Variants in PLCXD3 observed in about 807,000 individuals in gnomAD.
PLCXD3 encodes the protein phosphatidylinositol specific phospholipase C X domain containing 3, also known as PI-PLC X domain-containing protein 3.
PLCXD3 carries 19 observed loss-of-function variants against 25.5 expected under a neutral mutation model. That is an observed-to-expected ratio of 0.75 (90% confidence interval 0.52 to 1.09). PLCXD3 has a LOEUF of 1.09. Ranked by LOEUF, PLCXD3 falls within the 50% of genes least tolerant of loss-of-function variation. The pLI, the probability that PLCXD3 is intolerant of heterozygous loss-of-function variation, is 0.00. For missense variants in PLCXD3, 411 were observed against 388.1 expected, an observed-to-expected ratio of 1.06 and a Z score of -0.50; for synonymous variants, 174 against 137.6, an observed-to-expected ratio of 1.26 and a Z score of -1.85.
At chr5:41,353,506 C>T (rs1057293745) in intron 2 of PLCXD3, among the ~76,000 whole-genome samples, 1 of 152,118 alleles carries the variant, frequency 6.6e-6, no homozygotes, top group African/African-American at 2.4e-5. Context: ...GGTCAGTAAA[C>T]ACCTTGTATG....
chr5:41,344,061 G>A (rs1045982930), intron 2 of PLCXD3, among the ~76,000 whole-genome samples: 2 of 152,036 alleles, frequency 1.3e-5, no homozygotes, highest in South Asian at 4.1e-4. Context: ...AACTGAAAAA[G>A]TAATCTTTCT....
At chr5:41,355,259 C>T (rs1431969940) in intron 2 of PLCXD3, among the ~76,000 whole-genome samples, 1 of 152,180 alleles carries the variant, frequency 6.6e-6, no homozygotes, top group Non-Finnish European at 1.5e-5. Flanking sequence ...ATCTCCTAAT[C>T]TGATGGATTA....
rs1017716102 is a variant in PLCXD3 at position 41,401,613 on chromosome 5, A to G, written c.104-19079T>C. Among the ~76,000 whole-genome samples the G allele has an allele frequency of 4.6e-5, 7 of 152,034 alleles. No individual in the cohort carries two copies. The South Asian group carries it at 8.3e-4, about 18-fold the overall frequency. On this transcript the variant is annotated intron_variant, in intron 1 of 2. Transcript: ENST00000377801. ...ATAGGCAGCCTTTCAGATGGCTCCC[A>G]GTGATCTTGCTTTCTGGTTTTCTCA...
At chr5:41,452,820 C>G (rs1747666274) in intron 1 of PLCXD3, among the ~76,000 whole-genome samples, 1 of 151,988 alleles carries the variant, frequency 6.6e-6, no homozygotes, top group Non-Finnish European at 1.5e-5. Flanking sequence ...ATAGCTAACT[C>G]TAGTCTCAAA....
At chr5:41,413,317 T>C (rs1228327091) in intron 1 of PLCXD3, among the ~76,000 whole-genome samples, 1 of 152,060 alleles carries the variant, frequency 6.6e-6, no homozygotes, top group Non-Finnish European at 1.5e-5. Flanking sequence ...ACCAGGCAAA[T>C]CAAGAAGAAA....
At chr5:41,441,923 G>A (rs1308274866) in intron 1 of PLCXD3, among the ~76,000 whole-genome samples, 2 of 152,182 alleles carry the variant, frequency 1.3e-5, no homozygotes, top group African/African-American at 4.8e-5. Context: ...TGAAGTTTAA[G>A]TTTTGTAGAG....
At chr5:41,493,909 C>A (rs1441371447) in intron 1 of PLCXD3, among the ~76,000 whole-genome samples, 3 of 152,210 alleles carry the variant, frequency 2.0e-5, no homozygotes, top group African/African-American at 7.2e-5. Context: ...AATGCCTCGC[C>A]CTGCTTCGGC....
chr5:41,354,928 C>A (rs1027324044), intron 2 of PLCXD3, among the ~76,000 whole-genome samples: 3 of 152,196 alleles, frequency 2.0e-5, no homozygotes, highest in South Asian at 2.1e-4. Flanking sequence ...CTAGATTAAT[C>A]TTTTGCACTA....
intron 1 of PLCXD3, among the ~76,000 whole-genome samples, chr5:41,476,951 A>G (rs1345336583): frequency 6.6e-6 from 1 of 152,200 alleles, no homozygotes; most frequent in Non-Finnish European, 1.5e-5. Context: ...TGAGATGTTT[A>G]CAAAATGTAG....
At chr5:41,331,952 T>C (rs1444042741) in intron 2 of PLCXD3, among the ~76,000 whole-genome samples, 1 of 152,162 alleles carries the variant, frequency 6.6e-6, no homozygotes, top group Non-Finnish European at 1.5e-5. Flanking sequence ...TCAAGATGGA[T>C]TAAAGACTTA....
chr5:41,335,004 C>T (rs1377239177), intron 2 of PLCXD3, among the ~76,000 whole-genome samples: 11 of 152,130 alleles, frequency 7.2e-5, no homozygotes, highest in Admixed American at 7.2e-4. Flanking sequence ...AATAAGATTT[C>T]GATTGCCAGG....
At chr5:41,403,283 T>C in intron 1 of PLCXD3, among the ~76,000 whole-genome samples, 1 of 150,212 alleles carries the variant, frequency 6.7e-6, no homozygotes. Flanking sequence ...AGGAACTCTT[T>C]TTTTTTTTTT....
intron 2 of PLCXD3, among the ~76,000 whole-genome samples, chr5:41,327,798 T>C (rs1365793788): frequency 6.6e-6 from 1 of 152,162 alleles, no homozygotes. Flanking sequence ...TTTCTTTTCA[T>C]TAGATGTTGG....
intron 1 of PLCXD3, among the ~76,000 whole-genome samples, chr5:41,497,958 A>G (rs891959008): frequency 6.6e-6 from 1 of 151,832 alleles, no homozygotes; most frequent in Non-Finnish European, 1.5e-5. Context: ...TGGTCAAACA[A>G]GAAATCAAAA....
chr5:41,467,936 C>T (rs1290116495), intron 1 of PLCXD3, among the ~76,000 whole-genome samples: 5 of 148,550 alleles, frequency 3.4e-5, no homozygotes, highest in African/African-American at 1.2e-4. Flanking sequence ...TTTATGCAGG[C>T]AACATGATGT....
At chr5:41,319,346 A>T (rs1343684202) in intron 2 of PLCXD3, among the ~76,000 whole-genome samples, 1 of 152,198 alleles carries the variant, frequency 6.6e-6, no homozygotes, top group Non-Finnish European at 1.5e-5. Context: ...TCTCAAGGAT[A>T]GACCATATTT....
At chr5:41,380,294 C>G (rs1025985735) in intron 2 of PLCXD3, among the ~76,000 whole-genome samples, 8 of 152,092 alleles carry the variant, frequency 5.3e-5, no homozygotes, top group African/African-American at 1.9e-4. Flanking sequence ...ACATAGCCAA[C>G]TAGTCACTGA....
chr5:41,312,131 A>G lies in PLCXD3; in HGVS notation c.*1486T>C, dbSNP rs986196880. 10 of 152,558 alleles carry G rather than the reference A, an allele frequency of 6.6e-5. No homozygotes were observed. In the East Asian group the frequency reaches 1.7e-3, roughly 27 times the overall value. 9.5% of individuals were successfully genotyped at this position (152,558 alleles called of 1,614,324 possible). The stretch of plus-strand genomic sequence containing the variant: ...TTTTTTAGAGTTGTCAAATATCACA[A>G]TGACACGAAGGAGGAAGTAACGCTC... On this transcript the variant is annotated 3_prime_UTR_variant, in exon 3 of 3. Coordinates refer to ENST00000377801, the MANE Select transcript of PLCXD3 (RefSeq NM_001005473.3).
intron 1 of PLCXD3, among the ~76,000 whole-genome samples, chr5:41,499,484 G>T (rs1473424276): frequency 1.3e-5 from 2 of 151,642 alleles, no homozygotes; most frequent in East Asian, 3.8e-4. Flanking sequence ...GTTGCAGAAA[G>T]AAATTAAAGA....
Sources: gnomAD v4.1 joint callset for allele counts (sites outside exome capture counted in the v4.1 genomes callset) on GRCh38, gnomAD v4.1.1 for gene constraint, MANE v1.5 for transcripts, NCBI Gene and HGNC (gene_info 2026-07-23, HGNC 2026-07-21) for gene names.